Variants in PHC3 observed in about 807,000 individuals in gnomAD.
The protein encoded by PHC3 is polyhomeotic-like protein 3.
A neutral mutation model predicts 107.4 loss-of-function variants in PHC3; 13 were observed. The ratio of observed to expected loss-of-function variants is 0.12; its 90% CI spans 0.08 to 0.19. The LOEUF (loss-of-function observed/expected upper bound fraction) is 0.19. PHC3 is among the 10% of genes least tolerant of loss of function. The pLI, the probability that PHC3 is intolerant of heterozygous loss-of-function variation, is 1.00. For missense variants in PHC3, 992 were observed against 1,210.9 expected (o/e 0.82, Z 2.68); for synonymous variants, 456 against 427.4 (o/e 1.07, Z -0.83).
At chr3:170,151,569 T>C (rs187695926) in intron 4 of PHC3, among the ~76,000 whole-genome samples, 454 of 152,322 alleles carry the variant, frequency 3.0e-3, no homozygotes, top group Admixed American at 5.2e-3. Flanking sequence ...CTTGGTTCTA[T>C]AGAGCCAGAA....
intron 11 of PHC3, among the ~76,000 whole-genome samples, chr3:170,111,233 G>A (rs1261951445): frequency 1.3e-5 from 2 of 150,476 alleles, no homozygotes; most frequent in Admixed American, 6.6e-5. Context: ...CGTATGTACC[G>A]GTGACTACGA....
intron 1 of PHC3, 45 bp downstream of exon 1, chr3:170,181,657 C>T (rs1196166983): frequency 3.1e-6 from 5 of 1,613,164 alleles, no homozygotes; most frequent in Non-Finnish European, 4.2e-6. Context: ...GCTGCCCCAA[C>T]TCGCCCCCCC....
chr3:170,124,218 T>G (rs1454975913), intron 8 of PHC3, among the ~76,000 whole-genome samples: 1 of 152,200 alleles, frequency 6.6e-6, no homozygotes, highest in Admixed American at 6.5e-5. Flanking sequence ...TTAATTTAAT[T>G]TGTTATCATT....
chr3:170,140,778 A>T (rs1723966705), intron 6 of PHC3, among the ~76,000 whole-genome samples: 1 of 150,014 alleles, frequency 6.7e-6, no homozygotes, highest in Non-Finnish European at 1.5e-5. Context: ...TTGTATTTTT[A>T]GTAGAGACGG....
At chr3:170,181,341 C>G (rs1461535204) in intron 1 of PHC3, among the ~76,000 whole-genome samples, 2 of 152,102 alleles carry the variant, frequency 1.3e-5, no homozygotes, top group African/African-American at 4.8e-5. Flanking sequence ...CGCAGGCAGC[C>G]GTAACAAGGC....
chr3:170,169,816 A>C (rs1434064511), intron 4 of PHC3: 1 of 152,236 alleles, frequency 6.6e-6, no homozygotes, highest in Non-Finnish European at 1.5e-5. Flanking sequence ...TATTTCACAG[A>C]ATAAAGAATT....
Position 170,172,581 on chromosome 3 carries a change from C to T in PHC3, c.312G>A (p.Gln104=). ...CCTGAACAGCAGCAAGGCTCTGAAGCTGGGAGCTGCTTAAATGCTGCTGCT... is the reference window on the plus strand; with the variant it reads ...CCTGAACAGCAGCAAGGCTCTGAAGTTGGGAGCTGCTTAAATGCTGCTGCT... The part of the protein sequence containing the change: ...ALQQQHLSSS[Q]LQSLAAVQAS... The change falls in exon 3 of 15, where the codon CAG becomes CAA. Residue 104 remains glutamine, a synonymous_variant. Coordinates refer to ENST00000495893, the MANE Select transcript of PHC3 (RefSeq NM_024947.4). 3 of 1,613,368 alleles carry T rather than the reference C, an allele frequency of 1.9e-6. No individual in the cohort carries two copies. Among genetic ancestry groups the T allele is most frequent in the Non-Finnish European group, 2.5e-6 (3 of 1,179,766 alleles).
intron 4 of PHC3, among the ~76,000 whole-genome samples, chr3:170,150,122 G>C (rs1725661641): frequency 1.3e-5 from 2 of 152,034 alleles, no homozygotes; most frequent in South Asian, 4.2e-4. Context: ...AATTAAAAAA[G>C]AGCTACTGTT....
Position 170,106,891 on chromosome 3 carries a change from C to A in PHC3, c.2409G>T (p.Met803Ile). ...ACCGCAAAAATTCATTAGCATATCC[C>A]ATTTTCCCACAGAATTCACACTTGA... ...ELLKCEFCGK[M>I]GYANEFLRSK... The change falls in exon 12 of 15, where the codon ATG (methionine) becomes ATT (isoleucine). Residue 803 changes from methionine (M) to isoleucine (I), a missense_variant. This residue lies in a region of PHC3 where 228 missense variants were observed against 288.8 expected (regional missense o/e 0.79). Coordinates refer to ENST00000495893, the MANE Select transcript of PHC3 (RefSeq NM_024947.4). The A allele has an allele frequency of 6.2e-7, 1 of 1,612,352 alleles. No individual in the cohort carries two copies. The highest frequency in any genetic ancestry group is 8.5e-7 in the Non-Finnish European group (1 of 1,179,294).
intron 8 of PHC3, among the ~76,000 whole-genome samples, chr3:170,128,101 C>T (rs1267527678): frequency 6.6e-6 from 1 of 152,026 alleles, no homozygotes; most frequent in Non-Finnish European, 1.5e-5. Context: ...AGATGGCCTA[C>T]AGTTAAATTT....
In PHC3 at chr3:170,097,515, T is replaced by G; in HGVS notation, c.2834-131A>C. On this transcript the variant is annotated intron_variant, in intron 14 of 14. Coordinates refer to ENST00000495893, the MANE Select transcript of PHC3 (RefSeq NM_024947.4). This position sits in a 1 kb window ranked among gnomAD's most constrained non-coding sequence, Gnocchi z 4.1. ...CAGGCTGAGAAACAAATGAAATTTA[T>G]TTATGGTAGTCTTGAGTTCACTCTT... 1 of 859,112 alleles carries G rather than the reference T, an allele frequency of 1.2e-6. No homozygotes were observed. Among genetic ancestry groups the G allele is most frequent in the Non-Finnish European group, 1.7e-6 (1 of 603,140 alleles). The allele number at this position is 859,112 out of a possible 1,614,324, so 53.2% of individuals were successfully genotyped here.
At position 170,177,962 on chromosome 3, in the gene PHC3, C is replaced by T. The variant is rs1166816239; in HGVS notation, c.180+811G>A. ...TTGGGATTACAGGCGTGAGCCACCA[C>T]GCCTAGCCAATAGTATGATTATTAA... On this transcript the variant is annotated intron_variant, in intron 2 of 14. Transcript: ENST00000495893. 6.6e-5 allele frequency among the ~76,000 whole-genome samples: 10 copies of T among 152,120 alleles called. No homozygotes were observed. In the East Asian group the frequency reaches 1.4e-3, roughly 21 times the overall value.
At chr3:170,123,820 G>C (rs930563084) in intron 8 of PHC3, among the ~76,000 whole-genome samples, 2 of 151,750 alleles carry the variant, frequency 1.3e-5, no homozygotes, top group Non-Finnish European at 2.9e-5. Flanking sequence ...AAATGGAATC[G>C]AAGGCACCCT....
intron 4 of PHC3, among the ~76,000 whole-genome samples, chr3:170,155,547 C>G (rs1467707334): frequency 6.6e-6 from 1 of 152,044 alleles, no homozygotes; most frequent in Non-Finnish European, 1.5e-5. Context: ...ATGGTGAAAC[C>G]CTGTATCTAC....
chr3:170,151,749 GGGAA>G, intron 4 of PHC3, among the ~76,000 whole-genome samples: 1 of 152,288 alleles, frequency 6.6e-6, no homozygotes, highest in Middle Eastern at 3.4e-3. Flanking sequence ...AGTGGAGGCA[GGGAA>G]GGAGGTACCT....
rs1724566642 is a variant in PHC3 at position 170,144,148 on chromosome 3, T to G, written c.672+1275A>C. Among the ~76,000 whole-genome samples the G allele has an allele frequency of 2.1e-5, 3 of 145,812 alleles. No individual in the cohort carries two copies. The South Asian group carries it at 6.5e-4, about 32-fold the overall frequency. On this transcript the variant is annotated intron_variant, in intron 6 of 14. Coordinates refer to ENST00000495893, the MANE Select transcript of PHC3 (RefSeq NM_024947.4). ...CAGCCTGGCTAACATGGTGAAACCC[T>G]GTTTCTACTTAAAAAAAAAAAAAAA...
At chr3:170,164,798 T>G (rs535327649) in intron 4 of PHC3, among the ~76,000 whole-genome samples, 7 of 152,168 alleles carry the variant, frequency 4.6e-5, no homozygotes, top group Non-Finnish European at 1.0e-4. Context: ...CCTGCTCTTT[T>G]TAACCAAAGG....
chr3:170,144,984 A>G (rs574574587), intron 6 of PHC3, among the ~76,000 whole-genome samples: 1 of 152,342 alleles, frequency 6.6e-6, no homozygotes, highest in Admixed American at 6.5e-5. Flanking sequence ...CTGGGATTAC[A>G]GGCATGAGCC....
At chr3:170,098,652 G>C (rs1033685860) in intron 14 of PHC3, among the ~76,000 whole-genome samples, 1 of 151,884 alleles carries the variant, frequency 6.6e-6, no homozygotes, top group Non-Finnish European at 1.5e-5. Context: ...CTATCTGTAA[G>C]AGTAATACAA....
Sources: allele counts gnomAD v4.1 joint callset (sites outside exome capture counted in the v4.1 genomes callset), GRCh38; gene constraint gnomAD v4.1.1; regional missense constraint gnomAD v4.1.1; non-coding constraint Gnocchi (gnomAD v3.1); transcripts MANE v1.5; gene names NCBI Gene and HGNC (gene_info 2026-07-23, HGNC 2026-07-21).